Variants in SDK1 observed in about 807,000 individuals in gnomAD.
The protein encoded by SDK1 is protein sidekick-1.
In SDK1, 157 loss-of-function variants were observed where a neutral mutation model predicts 245.5. That is an observed-to-expected ratio of 0.64 (90% CI 0.56 to 0.73). The LOEUF is 0.73. SDK1 is among the 30% of genes least tolerant of loss of function. The pLI, the probability that SDK1 is intolerant of heterozygous loss-of-function variation, is 0.00. For synonymous variants in SDK1, 1,647 were observed against 1,278.5 expected, an observed-to-expected ratio of 1.29 and a Z score of -6.15; for missense variants, 3,583 against 3,002.3, an observed-to-expected ratio of 1.19 and a Z score of -4.52.
At chr7:4,161,391 A>T (rs550679795) in intron 31 of SDK1, among the ~76,000 whole-genome samples, 1 of 152,330 alleles carries the variant, frequency 6.6e-6, no homozygotes, top group East Asian at 1.9e-4. Context: ...CTATTCAGGA[A>T]AAGTAGCTCT....
chr7:3,674,291 G>A (rs1783819815), intron 4 of SDK1, among the ~76,000 whole-genome samples: 1 of 152,128 alleles, frequency 6.6e-6, no homozygotes, highest in Non-Finnish European at 1.5e-5. Flanking sequence ...AGAGGCGGGT[G>A]GAGTGTAGTG....
intron 17 of SDK1, among the ~76,000 whole-genome samples, chr7:4,025,670 C>A (rs1186049261): frequency 1.3e-5 from 2 of 152,188 alleles, no homozygotes; most frequent in Non-Finnish European, 2.9e-5. Context: ...AAGCACAATG[C>A]CTGACCTATA....
At position 3,821,565 on chromosome 7, in the gene SDK1, A is replaced by G. The variant is rs375534283; in HGVS notation, c.829A>G (p.Ile277Val). The change falls in exon 5 of 45, where the codon ATT (isoleucine) becomes GTT (valine). Residue 277 changes from isoleucine to valine, a missense_variant. Ile to Val is a conservative substitution (Grantham distance 29). Coordinates refer to ENST00000404826, the MANE Select transcript of SDK1 (RefSeq NM_152744.4). Reference protein sequence around the residue: ...KNGENKTSPFIHLSIARDVGT... With the variant: ...KNGENKTSPFVHLSIARDVGT... Reference sequence around the variant, plus strand: ...TGGAGAAAACAAGACAAGCCCATTCATTCATTTGAGCATAGCAAGTGAGTT... The same window carrying G: ...TGGAGAAAACAAGACAAGCCCATTCGTTCATTTGAGCATAGCAAGTGAGTT... The G allele has an allele frequency of 1.9e-6, 3 of 1,613,778 alleles. No individual in the cohort carries two copies. In the African/African-American group the frequency reaches 4.0e-5, roughly 22 times the overall value.
At chr7:4,255,936 T>A (rs932107777) in intron 44 of SDK1, among the ~76,000 whole-genome samples, 1 of 143,362 alleles carries the variant, frequency 7.0e-6, no homozygotes, top group Non-Finnish European at 1.5e-5. Context: ...TTTTTTTTTT[T>A]TGAGAGGGAG....
At chr7:4,159,044 A>C (rs370522896) in intron 31 of SDK1, among the ~76,000 whole-genome samples, 1 of 152,208 alleles carries the variant, frequency 6.6e-6, no homozygotes, top group Non-Finnish European at 1.5e-5. Flanking sequence ...TGGCGAGCCC[A>C]GGAGGCAGCT....
At chr7:3,763,386 A>G (rs1265076275) in intron 4 of SDK1, among the ~76,000 whole-genome samples, 1 of 152,210 alleles carries the variant, frequency 6.6e-6, no homozygotes, top group Non-Finnish European at 1.5e-5. Context: ...AAAGAATTGT[A>G]AAGTGAACAT....
At chr7:3,622,083 G>C (rs539737446) in intron 2 of SDK1, among the ~76,000 whole-genome samples, 1 of 152,208 alleles carries the variant, frequency 6.6e-6, no homozygotes, top group South Asian at 2.1e-4. Context: ...TGTCTATGAG[G>C]GTAGGTATGT....
intron 2 of SDK1, among the ~76,000 whole-genome samples, chr7:3,636,744 A>G (rs1013154128): frequency 6.6e-6 from 1 of 152,178 alleles, no homozygotes; most frequent in Non-Finnish European, 1.5e-5. Flanking sequence ...TCATGTGGTC[A>G]TTGTGTGTGT....
intron 40 of SDK1, among the ~76,000 whole-genome samples, chr7:4,223,321 T>G (rs1785245240): frequency 6.6e-6 from 1 of 152,248 alleles, no homozygotes; most frequent in African/African-American, 2.4e-5. Flanking sequence ...GCAGGCACAT[T>G]CGTTATCCAG....
intron 20 of SDK1, among the ~76,000 whole-genome samples, chr7:4,073,849 G>A (rs979340678): frequency 6.6e-6 from 1 of 152,092 alleles, no homozygotes; most frequent in African/African-American, 2.4e-5. Flanking sequence ...TTTTAATGCC[G>A]GTCTTGCAAG....
intron 5 of SDK1, among the ~76,000 whole-genome samples, chr7:3,898,152 A>G (rs1031615847): frequency 1.3e-5 from 2 of 152,252 alleles, no homozygotes; most frequent in African/African-American, 4.8e-5. Flanking sequence ...CCTGAATAGA[A>G]GAACAGAAGT....
chr7:4,144,407 G>A (rs969517657), intron 28 of SDK1, among the ~76,000 whole-genome samples: 1 of 152,170 alleles, frequency 6.6e-6, no homozygotes. Context: ...AGGTGGCTGC[G>A]TCATGGACAG....
intron 38 of SDK1, among the ~76,000 whole-genome samples, chr7:4,215,535 G>A (rs544382193): frequency 6.6e-6 from 1 of 152,354 alleles, no homozygotes; most frequent in South Asian, 2.1e-4. Context: ...AGTCACGCAC[G>A]GCCCAGCATG....
chr7:3,404,133 A>G (rs1287007725), intron 1 of SDK1, among the ~76,000 whole-genome samples: 1 of 151,848 alleles, frequency 6.6e-6, no homozygotes, highest in Non-Finnish European at 1.5e-5. Context: ...AGCTGATGCT[A>G]TTGGAAAAAT....
At chr7:3,912,186 G>C (rs1325115092) in intron 5 of SDK1, among the ~76,000 whole-genome samples, 1 of 152,160 alleles carries the variant, frequency 6.6e-6, no homozygotes, top group African/African-American at 2.4e-5. Flanking sequence ...CTGTGTTTTA[G>C]GAAGAGGACT....
At chr7:4,252,629 A>C (rs1787379425) in intron 44 of SDK1, among the ~76,000 whole-genome samples, 1 of 152,112 alleles carries the variant, frequency 6.6e-6, no homozygotes, top group East Asian at 1.9e-4. Context: ...TGTCTTATTT[A>C]TCTTTGTGTG....
intron 1 of SDK1, among the ~76,000 whole-genome samples, chr7:3,479,622 G>C (rs1252088776): frequency 6.6e-6 from 1 of 151,888 alleles, no homozygotes; most frequent in African/African-American, 2.4e-5. Context: ...CCAGCACTTT[G>C]GGAGGTCGAG....
intron 30 of SDK1, among the ~76,000 whole-genome samples, chr7:4,152,473 A>G (rs1780449750): frequency 6.6e-6 from 1 of 152,182 alleles, no homozygotes; most frequent in South Asian, 2.1e-4. Flanking sequence ...GTAACCATCT[A>G]AAAGAAGGAA....
chr7:3,785,393 C>A (rs115672640), intron 4 of SDK1, among the ~76,000 whole-genome samples: 2 of 151,976 alleles, frequency 1.3e-5, no homozygotes, highest in East Asian at 3.8e-4. Flanking sequence ...GATATGTTAA[C>A]GAGATTGATT....
Sources: gnomAD v4.1 joint callset for allele counts (sites outside exome capture counted in the v4.1 genomes callset) on GRCh38, gnomAD v4.1.1 for gene constraint, MANE v1.5 for transcripts, NCBI Gene and HGNC (gene_info 2026-07-23, HGNC 2026-07-21) for gene names.